RAB10: variants seen among roughly 807,000 people sequenced by gnomAD.
RAB10 encodes ras-related protein Rab-10.
In RAB10, 5 loss-of-function variants were observed where a neutral mutation model predicts 25.7. The ratio of observed to expected loss-of-function variants is 0.19; its 90% CI spans 0.10 to 0.41. The LOEUF is 0.41. Among genes scored for constraint, RAB10 ranks in the 10% least tolerant of loss-of-function variants. The probability of loss-of-function intolerance (pLI) is 1.00; values close to 1 mark genes in which losing one functional copy is unlikely to be tolerated. For synonymous variants in RAB10, 89 were observed against 86.4 expected, an observed-to-expected ratio of 1.03 and a Z score of -0.16; for missense variants, 103 against 245.8, an observed-to-expected ratio of 0.42 and a Z score of 3.89.
intron 1 of RAB10, among the ~76,000 whole-genome samples, chr2:26,063,135 A>G (rs1233068901): frequency 6.6e-6 from 1 of 150,640 alleles, no homozygotes; most frequent in Non-Finnish European, 1.5e-5. Context: ...AAAAAGAATC[A>G]GGAATCTAGT....
chr2:26,115,537 T>A (rs1667665280), intron 3 of RAB10, among the ~76,000 whole-genome samples: 1 of 152,084 alleles, frequency 6.6e-6, no homozygotes, highest in African/African-American at 2.4e-5. Context: ...GACAAAAACA[T>A]AGAGACAGAA....
chr2:26,046,669 A>T (rs1472529654), intron 1 of RAB10, among the ~76,000 whole-genome samples: 3 of 152,154 alleles, frequency 2.0e-5, no homozygotes. Flanking sequence ...CTCCTGCCTC[A>T]GCCTCCCAGA....
At chr2:26,134,418 T>G (rs1668067746) in intron 5 of RAB10, among the ~76,000 whole-genome samples, 1 of 152,240 alleles carries the variant, frequency 6.6e-6, no homozygotes, top group African/African-American at 2.4e-5. Context: ...TGCTCAGCCA[T>G]CTATATCCAT....
chr2:26,058,514 C>T (rs1666315728), intron 1 of RAB10, among the ~76,000 whole-genome samples: 1 of 152,124 alleles, frequency 6.6e-6, no homozygotes. Flanking sequence ...CCTCCCACCT[C>T]AGCCTCCTAA....
chr2:26,056,997 G>A (rs1447076312), intron 1 of RAB10, among the ~76,000 whole-genome samples: 1 of 152,174 alleles, frequency 6.6e-6, no homozygotes, highest in Non-Finnish European at 1.5e-5. Context: ...TAGAGGCGTC[G>A]TGAGTGGCAG....
At chr2:26,053,639 C>T (rs1157710277) in intron 1 of RAB10, among the ~76,000 whole-genome samples, 1 of 152,162 alleles carries the variant, frequency 6.6e-6, no homozygotes, top group East Asian at 1.9e-4. Flanking sequence ...TATTGTTCAT[C>T]TACCTCTTTA....
rs903612355 is a variant in RAB10, at chr2:26,135,692, T to C, written c.*671T>C. On this transcript the variant is annotated 3_prime_UTR_variant, in exon 6 of 6. Transcript: ENST00000264710. ...AGGACAAAGGGTAATGCAGAAGTGA[T>C]AGCTTTGGTTTGCTGAGTCTTGTTT... is the stretch of plus-strand genomic sequence containing the variant. 2.0e-5 allele frequency: 3 copies of C among 152,660 alleles called. No individual in the cohort carries two copies. Among genetic ancestry groups the C allele is most frequent in the East Asian group, 1.9e-4 (1 of 5,200 alleles). The allele number at this position is 152,660 out of a possible 1,614,324, so 9.5% of individuals were successfully genotyped here.
At position 26,102,867 on chromosome 2, in the gene RAB10, C is replaced by T. The variant is rs144891194; in HGVS notation, c.188+4145C>T. 4.1e-4 allele frequency among the ~76,000 whole-genome samples: 62 copies of T among 152,262 alleles called. 1 individual carries two copies. The East Asian group carries it at 9.4e-3, about 23-fold the overall frequency. On this transcript the variant is annotated intron_variant, in intron 2 of 5. Coordinates refer to ENST00000264710, the MANE Select transcript of RAB10 (RefSeq NM_016131.5). Reference sequence around the variant, plus strand: ...CCTTGTGAAGCAGCTTTGAGTACTGCGTAAGCACAGATAAATATTAACTTG... The same window carrying T: ...CCTTGTGAAGCAGCTTTGAGTACTGTGTAAGCACAGATAAATATTAACTTG...
intron 1 of RAB10, among the ~76,000 whole-genome samples, chr2:26,045,159 G>A (rs1272736025): frequency 6.6e-6 from 1 of 151,926 alleles, no homozygotes; most frequent in Non-Finnish European, 1.5e-5. Context: ...GCACAAGCAT[G>A]GCAAAGGAAA....
intron 3 of RAB10, among the ~76,000 whole-genome samples, chr2:26,111,203 C>A (rs1559596088): frequency 6.6e-6 from 1 of 152,170 alleles, no homozygotes. Flanking sequence ...ATATTAGACC[C>A]AAGATAATAC....
chr2:26,120,081 C>T (rs183079541), intron 3 of RAB10, among the ~76,000 whole-genome samples: 84 of 152,286 alleles, frequency 5.5e-4, no homozygotes, highest in Middle Eastern at 3.4e-3. Context: ...TTATTGGCTT[C>T]GGCTTCGTTC....
chr2:26,085,405 G>A (rs925024299), intron 1 of RAB10, among the ~76,000 whole-genome samples: 9 of 150,836 alleles, frequency 6.0e-5, no homozygotes, highest in African/African-American at 2.2e-4. Context: ...CAGGAGAATC[G>A]CTTGATCTGG....
chr2:26,046,557 C>CT (rs755616199), intron 1 of RAB10, among the ~76,000 whole-genome samples: 3 of 151,768 alleles, frequency 2.0e-5, no homozygotes, highest in Admixed American at 6.6e-5. Context: ...TGCTACATTT[C>CT]TTTTTTTTAT....
chr2:26,109,980 A>C, intron 3 of RAB10, 74 bp downstream of exon 3: 7 of 1,358,140 alleles, frequency 5.2e-6, no homozygotes, highest in Non-Finnish European at 6.9e-6. Context: ...TAAATATTCC[A>C]ACTGATCTTC....
At chr2:26,045,964 T>G (rs1023718117) in intron 1 of RAB10, among the ~76,000 whole-genome samples, 1 of 152,206 alleles carries the variant, frequency 6.6e-6, no homozygotes, top group Admixed American at 6.5e-5. Context: ...GTCATAGAGG[T>G]GGGTCCTTCA....
intron 1 of RAB10, among the ~76,000 whole-genome samples, chr2:26,056,454 C>T (rs1398977465): frequency 1.3e-5 from 2 of 152,110 alleles, no homozygotes; most frequent in Admixed American, 1.3e-4. Flanking sequence ...ACCTTGGCCT[C>T]CCAAAGTGCT....
At chr2:26,071,876 T>A (rs964031661) in intron 1 of RAB10, among the ~76,000 whole-genome samples, 12 of 152,026 alleles carry the variant, frequency 7.9e-5, no homozygotes, top group Admixed American at 4.6e-4. Flanking sequence ...CTTAAAAAAA[T>A]AAATAAATAA....
chr2:26,064,426 A>G lies in RAB10; in HGVS notation c.127+29691A>G, dbSNP rs188889744. Among the ~76,000 whole-genome samples, 9 of 152,094 alleles carry G rather than the reference A, an allele frequency of 5.9e-5. No homozygotes were observed. The East Asian group carries it at 1.7e-3, about 29-fold the overall frequency. On this transcript the variant is annotated intron_variant, in intron 1 of 5. Transcript: ENST00000264710. ...CAACCTCCACTTCTGGGCTCAAGCAATCCTCCCACCTCAGCCTCCTGAGTA... is the reference window on the plus strand; with the variant it reads ...CAACCTCCACTTCTGGGCTCAAGCAGTCCTCCCACCTCAGCCTCCTGAGTA...
intron 1 of RAB10, among the ~76,000 whole-genome samples, chr2:26,041,355 A>T (rs552249105): frequency 1.3e-5 from 2 of 151,712 alleles, no homozygotes; most frequent in Non-Finnish European, 2.9e-5. Flanking sequence ...AGCCTGGCCA[A>T]CATGGTGAAA....
Sources: gnomAD v4.1 joint callset for allele counts (sites outside exome capture counted in the v4.1 genomes callset) on GRCh38, gnomAD v4.1.1 for gene constraint, MANE v1.5 for transcripts, NCBI Gene and HGNC (gene_info 2026-07-23, HGNC 2026-07-21) for gene names.